Variants in CDKAL1 observed in about 807,000 individuals in gnomAD.
CDKAL1 encodes the protein CDKAL1 threonylcarbamoyladenosine tRNA methylthiotransferase.
A neutral mutation model predicts 68.2 loss-of-function variants in CDKAL1; 32 were observed. The observed-to-expected ratio is 0.47, with a 90% CI of 0.35 to 0.63. The LOEUF (loss-of-function observed/expected upper bound fraction) is 0.63, where lower values mean the gene tolerates loss of function less well. Among genes scored for constraint, CDKAL1 ranks in the 30% least tolerant of loss-of-function variants. The pLI, the probability that CDKAL1 is intolerant of heterozygous loss-of-function variation, is 0.00. For synonymous variants in CDKAL1, 234 were observed against 244.3 expected (o/e 0.96, Z 0.39); for missense variants, 606 against 696.7 (o/e 0.87, Z 1.47).
At chr6:21,094,687 TGTTA>T (rs1258258111) in intron 12 of CDKAL1, among the ~76,000 whole-genome samples, 13 of 152,226 alleles carry the variant, frequency 8.5e-5, no homozygotes, top group Non-Finnish European at 5.9e-5. Context: ...TGGTCTTGGT[TGTTA>T]GTGATAGAAG....
rs549102969 is a variant in CDKAL1, at chr6:20,741,398, G to C, written c.468+1783G>C. Reference sequence around the variant, plus strand: ...AGGTTAAACACGCGTCTGTTGTACAGATTATTTTATCACCTAGGTACTAAG... The same window carrying C: ...AGGTTAAACACGCGTCTGTTGTACACATTATTTTATCACCTAGGTACTAAG... On this transcript the variant is annotated intron_variant, in intron 6 of 15. Transcript: ENST00000274695. 4.6e-5 allele frequency among the ~76,000 whole-genome samples: 7 copies of C among 152,164 alleles called. No homozygotes were observed. In the East Asian group the frequency reaches 1.4e-3, roughly 29 times the overall value.
intron 8 of CDKAL1, among the ~76,000 whole-genome samples, chr6:20,824,673 G>T (rs1357412781): frequency 1.3e-5 from 2 of 152,276 alleles, no homozygotes; most frequent in Admixed American, 6.5e-5. Context: ...GTTATATAAT[G>T]TAATGATCCA....
At chr6:21,128,263 A>G (rs567911640) in intron 13 of CDKAL1, among the ~76,000 whole-genome samples, 79 of 152,358 alleles carry the variant, frequency 5.2e-4, no homozygotes, top group African/African-American at 1.9e-3. Context: ...CAACTGGGCT[A>G]ACAAAAGTGT....
chr6:20,537,971 A>G (rs1421021735), intron 2 of CDKAL1, among the ~76,000 whole-genome samples: 2 of 152,252 alleles, frequency 1.3e-5, no homozygotes, highest in African/African-American at 4.8e-5. Context: ...CTTATGATAT[A>G]CAGCCAGGTT....
intron 7 of CDKAL1, among the ~76,000 whole-genome samples, chr6:20,779,134 G>A (rs143060954): frequency 1.3e-3 from 195 of 152,266 alleles, no homozygotes; most frequent in East Asian, 7.3e-3. Context: ...ATAAGAAGCC[G>A]TAGTACTAAG....
chr6:20,577,937 A>G (rs1764980422), intron 4 of CDKAL1, among the ~76,000 whole-genome samples: 1 of 152,186 alleles, frequency 6.6e-6, no homozygotes, highest in Non-Finnish European at 1.5e-5. Flanking sequence ...TCAGAGAGAC[A>G]ATAGGAGATG....
In CDKAL1 at chr6:20,562,531, G is replaced by C. The variant is rs148911818; in HGVS notation, c.286+13826G>C. Among the ~76,000 whole-genome samples the C allele has an allele frequency of 2.5e-3, 379 of 152,120 alleles. 1 individual carries two copies. The highest frequency in any genetic ancestry group is 8.8e-3 in the African/African-American group (364 of 41,500). On this transcript the variant is annotated intron_variant, in intron 4 of 15. Transcript: ENST00000274695. Reference sequence around the variant, plus strand: ...AGGTGGGCGGATCACTTGAGGTTAGGAGTTCCAGAAGAGCCTGACCAACAT... The same window carrying C: ...AGGTGGGCGGATCACTTGAGGTTAGCAGTTCCAGAAGAGCCTGACCAACAT...
chr6:21,054,846 A>G (rs572042770), intron 11 of CDKAL1, among the ~76,000 whole-genome samples: 58 of 152,052 alleles, frequency 3.8e-4, no homozygotes, highest in Non-Finnish European at 7.2e-4. Context: ...CACTTATTCT[A>G]GTAGGCTCAG....
chr6:20,983,325 C>G (rs1766258822), intron 10 of CDKAL1, among the ~76,000 whole-genome samples: 1 of 152,144 alleles, frequency 6.6e-6, no homozygotes, highest in Non-Finnish European at 1.5e-5. Flanking sequence ...AAAAAACCCA[C>G]CCATTTCTGA....
intron 11 of CDKAL1, among the ~76,000 whole-genome samples, chr6:21,054,300 T>C (rs891567895): frequency 6.6e-6 from 1 of 152,168 alleles, no homozygotes; most frequent in African/African-American, 2.4e-5. Flanking sequence ...ATTTGGACTC[T>C]CTATTTTTCC....
intron 13 of CDKAL1, among the ~76,000 whole-genome samples, chr6:21,118,341 T>C (rs2151004533): frequency 6.6e-6 from 1 of 152,280 alleles, no homozygotes; most frequent in East Asian, 1.9e-4. Flanking sequence ...GGTCCTGTGA[T>C]TGGTAGTTTG....
chr6:20,645,216 T>C (rs1172005795), intron 4 of CDKAL1, among the ~76,000 whole-genome samples: 1 of 152,174 alleles, frequency 6.6e-6, no homozygotes, highest in Non-Finnish European at 1.5e-5. Context: ...CACCCTACTG[T>C]AGACTTTATA....
intron 15 of CDKAL1, among the ~76,000 whole-genome samples, chr6:21,227,743 GA>G (rs1779806150): frequency 1.3e-5 from 2 of 152,166 alleles, no homozygotes; most frequent in South Asian, 2.1e-4. Context: ...GGGGTGGAGA[GA>G]AAAAAAGGAT....
intron 5 of CDKAL1, among the ~76,000 whole-genome samples, chr6:20,723,113 G>C (rs752778574): frequency 6.6e-6 from 1 of 152,178 alleles, no homozygotes; most frequent in Non-Finnish European, 1.5e-5. Context: ...GTGGAGGGCA[G>C]CTGCCCCATG....
At chr6:20,763,935 C>T (rs926103372) in intron 7 of CDKAL1, among the ~76,000 whole-genome samples, 1 of 152,006 alleles carries the variant, frequency 6.6e-6, no homozygotes, top group Non-Finnish European at 1.5e-5. Context: ...GGATTTTTTT[C>T]CTGTATCACT....
intron 7 of CDKAL1, among the ~76,000 whole-genome samples, chr6:20,778,716 A>G (rs1002125150): frequency 1.2e-4 from 19 of 152,218 alleles, no homozygotes; most frequent in African/African-American, 3.4e-4. Flanking sequence ...AGAAGAGCCA[A>G]TATTTCAGTG....
chr6:21,053,951 A>G (rs894121190), intron 11 of CDKAL1, among the ~76,000 whole-genome samples: 11 of 152,076 alleles, frequency 7.2e-5, no homozygotes, highest in Admixed American at 7.2e-4. Flanking sequence ...GAGTAAGTTT[A>G]ATTTCTTAGT....
At chr6:20,951,900 A>C (rs1764540877) in intron 9 of CDKAL1, among the ~76,000 whole-genome samples, 1 of 151,346 alleles carries the variant, frequency 6.6e-6, no homozygotes, top group African/African-American at 2.4e-5. Context: ...GGAAGTTTTT[A>C]ATGGGCATTC....
At chr6:20,960,316 T>A (rs1764992274) in intron 10 of CDKAL1, among the ~76,000 whole-genome samples, 1 of 152,158 alleles carries the variant, frequency 6.6e-6, no homozygotes, top group African/African-American at 2.4e-5. Flanking sequence ...AAGCCATGGG[T>A]TCGAAAGGTT....
Sources: gnomAD v4.1 joint callset for allele counts (sites outside exome capture counted in the v4.1 genomes callset) on GRCh38, gnomAD v4.1.1 for gene constraint, MANE v1.5 for transcripts, NCBI Gene and HGNC (gene_info 2026-07-23, HGNC 2026-07-21) for gene names.